FAM107B: variants seen among roughly 807,000 people sequenced by gnomAD.
FAM107B encodes protein FAM107B.
In FAM107B, 21 loss-of-function variants were observed where a neutral mutation model predicts 31.5. The observed-to-expected ratio is 0.67, with a 90% CI of 0.47 to 0.96. The LOEUF (loss-of-function observed/expected upper bound fraction) is 0.96. Ranked by LOEUF, FAM107B falls within the 40% of genes least tolerant of loss-of-function variation. The pLI is 0.00. For missense variants in FAM107B, 452 were observed against 377.1 expected, an observed-to-expected ratio of 1.20 and a Z score of -1.64; for synonymous variants, 157 against 141.5, an observed-to-expected ratio of 1.11 and a Z score of -0.78.
intron 2 of FAM107B, chr10:14,652,969 G>C (rs1339869580): frequency 1.3e-5 from 2 of 152,182 alleles, no homozygotes; most frequent in Non-Finnish European, 2.9e-5. Context: ...AACGAATTCA[G>C]GCACAGAAAA....
intron 1 of FAM107B, among the ~76,000 whole-genome samples, chr10:14,769,453 C>T (rs147167682): frequency 3.9e-5 from 6 of 152,280 alleles, no homozygotes; most frequent in African/African-American, 4.8e-5. Flanking sequence ...GGTGCAATCT[C>T]GGCTCACTGC....
intron 2 of FAM107B, among the ~76,000 whole-genome samples, chr10:14,633,059 C>T (rs138519214): frequency 9.8e-4 from 149 of 152,010 alleles, no homozygotes; most frequent in African/African-American, 3.4e-3. Flanking sequence ...ATTAGCTGGG[C>T]GTAGTGGTGC....
chr10:14,630,570 T>A (rs757378936), intron 2 of FAM107B, among the ~76,000 whole-genome samples: 2 of 152,166 alleles, frequency 1.3e-5, no homozygotes, highest in Non-Finnish European at 2.9e-5. Context: ...ACGCCTATAG[T>A]CTCAGAACTT....
chr10:14,672,463 G>C (rs185533525), intron 1 of FAM107B, among the ~76,000 whole-genome samples: 2 of 152,340 alleles, frequency 1.3e-5, no homozygotes, highest in African/African-American at 4.8e-5. Flanking sequence ...ATTAAAATTT[G>C]TCAAACAAAT....
intron 2 of FAM107B, among the ~76,000 whole-genome samples, chr10:14,590,877 T>C (rs1317842709): frequency 1.3e-5 from 2 of 149,186 alleles, no homozygotes; most frequent in South Asian, 2.1e-4. Flanking sequence ...TAATCCCAGC[T>C]ACTTGAGAGG....
intron 1 of FAM107B, among the ~76,000 whole-genome samples, chr10:14,721,015 C>T (rs201279160): frequency 5.9e-5 from 9 of 151,864 alleles, no homozygotes; most frequent in East Asian, 5.8e-4. Context: ...CCATGACAGG[C>T]GCCAGTGTGT....
At chr10:14,560,085 T>TG (rs1230381558) in intron 2 of FAM107B, among the ~76,000 whole-genome samples, 1 of 152,216 alleles carries the variant, frequency 6.6e-6, no homozygotes, top group East Asian at 1.9e-4. Context: ...CTCAATAGCC[T>TG]GATCCAGACC....
At chr10:14,744,098 C>CT (rs1417354349) in intron 1 of FAM107B, among the ~76,000 whole-genome samples, 2 of 152,050 alleles carry the variant, frequency 1.3e-5, no homozygotes, top group Admixed American at 6.6e-5. Flanking sequence ...GTATTTTATT[C>CT]TTTTTGCAGC....
intron 2 of FAM107B, among the ~76,000 whole-genome samples, chr10:14,590,832 A>AC (rs1554837807): frequency 6.7e-6 from 1 of 149,980 alleles, no homozygotes; most frequent in Non-Finnish European, 1.5e-5. Flanking sequence ...AAAAAAAAAA[A>AC]CACAAAATTA....
At chr10:14,577,245 C>T (rs1851493247) in intron 2 of FAM107B, among the ~76,000 whole-genome samples, 1 of 152,184 alleles carries the variant, frequency 6.6e-6, no homozygotes, top group Admixed American at 6.5e-5. Flanking sequence ...TGACAGAAAA[C>T]AGTTTATGAT....
chr10:14,601,046 C>T (rs967846507), intron 2 of FAM107B, among the ~76,000 whole-genome samples: 5 of 152,208 alleles, frequency 3.3e-5, no homozygotes, highest in Non-Finnish European at 5.9e-5. Context: ...GGATTACAGG[C>T]ACAAGCCACT....
chr10:14,658,726 A>T (rs918876097), intron 2 of FAM107B, among the ~76,000 whole-genome samples: 1 of 152,198 alleles, frequency 6.6e-6, no homozygotes, highest in Non-Finnish European at 1.5e-5. Flanking sequence ...AGCAAGTTTA[A>T]AAAGAGCAAG....
At chr10:14,573,902 T>C (rs1851378940) in intron 2 of FAM107B, among the ~76,000 whole-genome samples, 1 of 148,452 alleles carries the variant, frequency 6.7e-6, no homozygotes, top group Non-Finnish European at 1.5e-5. Context: ...ATACATGATA[T>C]AAAAACAAAC....
chr10:14,667,814 C>T, intron 1 of FAM107B, 123 bp from the exon 2 acceptor site: 3 of 950,168 alleles, frequency 3.2e-6, no homozygotes, highest in Middle Eastern at 4.6e-4. Flanking sequence ...ACTTAAACCA[C>T]ACCTTAAAGA....
chr10:14,703,987 T>C (rs1157509672), intron 1 of FAM107B, among the ~76,000 whole-genome samples: 1 of 152,158 alleles, frequency 6.6e-6, no homozygotes, highest in East Asian at 1.9e-4. Flanking sequence ...GCTAAAATGT[T>C]TGGACAGAAA....
intron 2 of FAM107B, among the ~76,000 whole-genome samples, chr10:14,573,635 T>C (rs1310404433): frequency 2.7e-5 from 4 of 150,890 alleles, no homozygotes; most frequent in African/African-American, 9.7e-5. Flanking sequence ...TCCCGGCTAC[T>C]TGGGAGGCAG....
At chr10:14,568,334 TGGG>T (rs10612412) in intron 2 of FAM107B, among the ~76,000 whole-genome samples, 117 of 7,828 alleles carry the variant, frequency 0.015, no homozygotes, top group East Asian at 0.044. Flanking sequence ...GTGAAGATAC[TGGG>T]GGAGGAGGAG....
rs147113627 is a variant in FAM107B, at chr10:14,666,305, G to A, written c.469+1329C>T. Among the ~76,000 whole-genome samples the A allele has an allele frequency of 4.9e-4, 74 of 152,216 alleles. 2 individuals carry two copies. The East Asian group carries it at 0.013, about 27-fold the overall frequency. ...GACTCGGGAAACTTACAATCATGGC[G>A]GAAGCAGAAGGAAGCATGTCCTTCT... On this transcript the variant is annotated intron_variant, in intron 2 of 4. Transcript: ENST00000181796.
chr10:14,672,716 G>C (rs1313659107), intron 1 of FAM107B, among the ~76,000 whole-genome samples: 2 of 152,116 alleles, frequency 1.3e-5, no homozygotes, highest in Non-Finnish European at 2.9e-5. Flanking sequence ...TTTATACTTA[G>C]GGAGTTCAAG....
Sources: gnomAD v4.1 joint callset for allele counts (sites outside exome capture counted in the v4.1 genomes callset) on GRCh38, gnomAD v4.1.1 for gene constraint, MANE v1.5 for transcripts, NCBI Gene and HGNC (gene_info 2026-07-23, HGNC 2026-07-21) for gene names.